LRIT3: variants seen among roughly 807,000 people sequenced by gnomAD.
The protein encoded by LRIT3 is leucine-rich repeat, immunoglobulin-like domain and transmembrane domain-containing protein 3.
In LRIT3, 14 loss-of-function variants were observed where a neutral mutation model predicts 22.6. That is an observed-to-expected ratio of 0.62 (90% CI 0.41 to 0.97). LRIT3 has a LOEUF of 0.97. Ranked by LOEUF, LRIT3 falls within the 50% of genes least tolerant of loss-of-function variation. LRIT3 has a pLI of 0.00. For missense variants in LRIT3, 783 were observed against 803.0 expected, an observed-to-expected ratio of 0.98 and a Z score of 0.30; for synonymous variants, 306 against 304.5, an observed-to-expected ratio of 1.01 and a Z score of -0.05.
intron 2 of LRIT3, chr4:109,865,382 A>G (rs2125900413): frequency 7.6e-7 from 1 of 1,312,528 alleles, no homozygotes; most frequent in Non-Finnish European, 1.1e-6. Flanking sequence ...TGAATATCTA[A>G]TGTGGTATCT....
At chr4:109,852,688 A>C (rs1560590059) in intron 2 of LRIT3, among the ~76,000 whole-genome samples, 1 of 152,092 alleles carries the variant, frequency 6.6e-6, no homozygotes, top group Non-Finnish European at 1.5e-5. Flanking sequence ...TGCTGCACCC[A>C]TCAACTTGTC....
chr4:109,859,202 G>C (rs928435394), intron 2 of LRIT3, among the ~76,000 whole-genome samples: 1 of 152,116 alleles, frequency 6.6e-6, no homozygotes, highest in Admixed American at 6.5e-5. Flanking sequence ...ACCACCTTCT[G>C]GTCCCACGGT....
At position 109,870,575 on chromosome 4, in the gene LRIT3, T is replaced by A; in HGVS notation, c.1826T>A (p.Leu609Gln). 1 of 1,614,026 alleles carries A rather than the reference T, an allele frequency of 6.2e-7. No homozygotes were observed. The highest frequency in any genetic ancestry group is 8.5e-7 in the Non-Finnish European group (1 of 1,179,888). ...TTCTTGTTGTACAAAGTTTGCAAAC[T>A]GCAATGTAAATCAGAACCTTTTTGG... ...ICFLLYKVCKLQCKSEPFWED... is the reference protein window; with the variant it reads ...ICFLLYKVCKQQCKSEPFWED... The change falls in exon 4 of 4, where the codon CTG becomes CAG. Residue 609 changes from leucine (L) to glutamine (Q), a missense_variant. By Grantham distance (113) the Leu-to-Gln change is moderately radical. This residue lies in a region of LRIT3 where 756 missense variants were observed against 753.8 expected (regional missense o/e 1.00). Coordinates refer to ENST00000594814, the MANE Select transcript of LRIT3 (RefSeq NM_198506.5).
chr4:109,855,291 T>G (rs1734373833), intron 2 of LRIT3, among the ~76,000 whole-genome samples: 1 of 152,184 alleles, frequency 6.6e-6, no homozygotes, highest in African/African-American at 2.4e-5. Context: ...GTCCAGGAAT[T>G]TATCCATTTC....
rs777163396 is a variant in LRIT3 at position 109,870,023 on chromosome 4, C to T, written c.1274C>T (p.Thr425Ile). 3 of 1,614,230 alleles carry T rather than the reference C, an allele frequency of 1.9e-6. No homozygotes were observed. The South Asian group carries it at 3.3e-5, about 18-fold the overall frequency. The change falls in exon 4 of 4, where the codon ACT (threonine) becomes ATT (isoleucine). Residue 425 changes from threonine to isoleucine, a missense_variant. Transcript: ENST00000594814. ...FSSSTVSSTT[T>I]LSTSISASTT... ...TCCTCCACTGTTTCTTCAACCACAA[C>T]TCTGAGCACAAGCATCTCAGCAAGT...
chr4:109,867,593 G>A (rs763712779), intron 2 of LRIT3, 48 bp from the exon 3 acceptor site: 22 of 1,540,682 alleles, frequency 1.4e-5, no homozygotes, highest in Non-Finnish European at 1.9e-5. Flanking sequence ...GATGTAAACT[G>A]AAGTCATCAG....
chr4:109,866,296 T>C (rs1333982250), intron 2 of LRIT3, among the ~76,000 whole-genome samples: 1 of 152,188 alleles, frequency 6.6e-6, no homozygotes, highest in African/African-American at 2.4e-5. Context: ...TTTTTTTCTA[T>C]CTTGGGCTTT....
intron 2 of LRIT3, among the ~76,000 whole-genome samples, chr4:109,857,910 C>T (rs192936197): frequency 6.6e-6 from 1 of 152,082 alleles, no homozygotes; most frequent in Non-Finnish European, 1.5e-5. Flanking sequence ...CTATTTTGAT[C>T]TGTCTTAGAG....
intron 2 of LRIT3, among the ~76,000 whole-genome samples, chr4:109,861,281 C>T (rs1734539135): frequency 6.6e-6 from 1 of 151,612 alleles, no homozygotes; most frequent in African/African-American, 2.4e-5. Context: ...TAGGAGAAAC[C>T]TGGGAGGCAG....
rs1444386467 is a variant in LRIT3 at position 109,868,151 on chromosome 4, CTCTTTT to C, written c.895+210_895+215del. Among the ~76,000 whole-genome samples, 5 of 152,182 alleles carry C rather than the reference CTCTTTT, an allele frequency of 3.3e-5. No individual in the cohort carries two copies. The East Asian group carries it at 9.6e-4, about 29-fold the overall frequency. On this transcript the variant is annotated intron_variant, in intron 3 of 3. Transcript: ENST00000594814. ...CCTAGATAAAATTAAACAATCTAAA[CTCTTTT>C]TCTTAGGTAGAATGAAACAATGCAG...
At position 109,870,369 on chromosome 4, in the gene LRIT3, CATAGAT is replaced by C. The variant is rs2125901726; in HGVS notation, c.1621_1626del (p.Ile541_Asp542del). On this transcript the variant is annotated inframe_deletion, in exon 4 of 4. Transcript: ENST00000594814. ...CAGACTCCAGCAAGAACCAAGTAAC[CATAGAT>C]GGCTTGGAACCCGGTGGGCAATACA... The C allele has an allele frequency of 2.5e-6, 4 of 1,614,168 alleles. No individual in the cohort carries two copies. In the South Asian group the frequency reaches 4.4e-5, roughly 18 times the overall value.
chr4:109,870,724 A>T lies in LRIT3; in HGVS notation c.1975A>T (p.Arg659Trp). 6.2e-7 allele frequency: 1 copy of T among 1,613,964 alleles called. No individual in the cohort carries two copies. Among genetic ancestry groups the T allele is most frequent in the Non-Finnish European group, 8.5e-7 (1 of 1,179,920 alleles). ...DDSEKLLLCS[R>W]SSVESQVTFK... is the part of the protein sequence containing the mutation. ...CTCAGAGAAATTGCTGCTTTGTTCTAGGTCAAGTGTGGAATCTCAGGTGAC... is the reference window on the plus strand; with the variant it reads ...CTCAGAGAAATTGCTGCTTTGTTCTTGGTCAAGTGTGGAATCTCAGGTGAC... Residue 659 changes from arginine to tryptophan, a missense_variant, in exon 4 of 4, where the codon AGG becomes TGG. This residue lies in a region of LRIT3 where 756 missense variants were observed against 753.8 expected (regional missense o/e 1.00). Coordinates refer to ENST00000594814, the MANE Select transcript of LRIT3 (RefSeq NM_198506.5).
At chr4:109,850,422 C>CCTTCCTTCTTTCTTTCTTCCTTT (rs66553123) in intron 1 of LRIT3, among the ~76,000 whole-genome samples, 1 of 55,088 alleles carries the variant, frequency 1.8e-5, no homozygotes, top group Non-Finnish European at 3.5e-5. Context: ...TTCCTTCCTT[C>CCTTCCTTCTTTCTTTCTTCCTTT]CTTTCTTTCT....
intron 2 of LRIT3, among the ~76,000 whole-genome samples, chr4:109,859,175 C>T (rs948946889): frequency 1.1e-4 from 16 of 152,106 alleles, no homozygotes; most frequent in African/African-American, 2.7e-4. Flanking sequence ...ATAGTGAAAG[C>T]TGGATCCAGG....
At chr4:109,868,602 A>G (rs1279145786) in intron 3 of LRIT3, among the ~76,000 whole-genome samples, 3 of 150,834 alleles carry the variant, frequency 2.0e-5, no homozygotes, top group Non-Finnish European at 4.4e-5. Context: ...CAAGTCTCTC[A>G]TTTTTGAATA....
chr4:109,867,532 CACTTCTGTTTATAGGG>C, intron 2 of LRIT3, 93 bp from the exon 3 acceptor site: 1 of 1,012,580 alleles, frequency 9.9e-7, no homozygotes, highest in Non-Finnish European at 1.5e-6. Context: ...TCCCTCAAAG[CACTTCTGTTTATAGGG>C]AGACAGTGTA....
At position 109,848,165 on chromosome 4, in the gene LRIT3, T is replaced by C. The variant is rs772206283; in HGVS notation, c.-37T>C. 13 of 1,159,366 alleles carry C rather than the reference T, an allele frequency of 1.1e-5. No homozygotes were observed. The highest frequency in any genetic ancestry group is 1.4e-5 in the Non-Finnish European group (13 of 921,792). 71.8% of individuals were successfully genotyped at this position (1,159,366 alleles called of 1,614,324 possible). A position where few individuals can be genotyped will look rare whatever the true frequency, so the allele number is the denominator to read the frequency against. The stretch of plus-strand genomic sequence containing the variant: ...CAGGTTCTGAATGCTTAGGATTCGG[T>C]TTTTACCTTTTGTTTAAATAACCTC... On this transcript the variant is annotated 5_prime_UTR_variant, in exon 1 of 4. Coordinates refer to ENST00000594814, the MANE Select transcript of LRIT3 (RefSeq NM_198506.5).
At chr4:109,851,364 C>A in intron 1 of LRIT3, 140 bp from the exon 2 acceptor site, 1 of 1,208,412 alleles carries the variant, frequency 8.3e-7, no homozygotes, top group Non-Finnish European at 1.1e-6. Context: ...CAAGGCCCTC[C>A]TCGGCCTCCC....
intron 1 of LRIT3, among the ~76,000 whole-genome samples, chr4:109,849,477 A>AAT (rs1370741523): frequency 6.6e-6 from 1 of 152,258 alleles, no homozygotes; most frequent in East Asian, 1.9e-4. Flanking sequence ...TGAAGAAACT[A>AAT]AACTGTATGG....
Sources: allele counts gnomAD v4.1 joint callset (sites outside exome capture counted in the v4.1 genomes callset), GRCh38; gene constraint gnomAD v4.1.1; regional missense constraint gnomAD v4.1.1; transcripts MANE v1.5; gene names NCBI Gene and HGNC (gene_info 2026-07-23, HGNC 2026-07-21).